Variants in TAFA1 observed in about 807,000 individuals in gnomAD.
The protein encoded by TAFA1 is chemokine-like protein TAFA-1.
In TAFA1, 4 loss-of-function variants were observed where a neutral mutation model predicts 18.5. The observed-to-expected ratio is 0.22, with a 90% CI of 0.11 to 0.49. TAFA1 has a LOEUF of 0.49. Ranked by LOEUF, TAFA1 falls within the 20% of genes least tolerant of loss-of-function variation. The pLI is 0.98. For synonymous variants in TAFA1, 56 were observed against 55.2 expected (o/e 1.01, Z -0.06); for missense variants, 147 against 169.0 (o/e 0.87, Z 0.72).
At chr3:68,138,779 A>C (rs2106897355) in intron 2 of TAFA1, among the ~76,000 whole-genome samples, 1 of 152,346 alleles carries the variant, frequency 6.6e-6, no homozygotes, top group South Asian at 2.1e-4. Flanking sequence ...ATTCAGTAAT[A>C]CTGGAAGTTG....
At chr3:68,494,765 G>T (rs1423059280) in intron 3 of TAFA1, among the ~76,000 whole-genome samples, 1 of 152,170 alleles carries the variant, frequency 6.6e-6, no homozygotes, top group Non-Finnish European at 1.5e-5. Context: ...ACAGCTTAAT[G>T]CAATTCCTAA....
chr3:68,174,958 C>G (rs1303721566), intron 2 of TAFA1, among the ~76,000 whole-genome samples: 1 of 152,158 alleles, frequency 6.6e-6, no homozygotes, highest in East Asian at 1.9e-4. Flanking sequence ...AGCCTAGGGA[C>G]TTGGTGCCCT....
At chr3:68,082,054 C>T (rs1010773467) in intron 2 of TAFA1, among the ~76,000 whole-genome samples, 9 of 152,212 alleles carry the variant, frequency 5.9e-5, no homozygotes, top group Admixed American at 1.3e-4. Flanking sequence ...GCGCAGTACT[C>T]GGGTGGGAGT....
At position 68,479,101 on chromosome 3, in the gene TAFA1, C is replaced by T. The variant is rs555917986; in HGVS notation, c.260-59655C>T. On this transcript the variant is annotated intron_variant, in intron 3 of 4. Coordinates refer to ENST00000478136, the MANE Select transcript of TAFA1 (RefSeq NM_213609.4). ...CAAAAATTAACTGGGCATGGTGACG[C>T]GCGCCTGTAGTCCCAGCCACTTAGG... Among the ~76,000 whole-genome samples the T allele has an allele frequency of 1.2e-3, 181 of 150,050 alleles. 1 individual carries two copies. Among genetic ancestry groups the T allele is most frequent in the African/African-American group, 4.1e-3 (168 of 40,980 alleles).
chr3:68,372,359 CG>C (rs2069724352), intron 2 of TAFA1, among the ~76,000 whole-genome samples: 1 of 152,088 alleles, frequency 6.6e-6, no homozygotes, highest in South Asian at 2.1e-4. Context: ...AAAATGTACA[CG>C]CAAGTAAAGA....
intron 2 of TAFA1, chr3:68,145,146 A>G: frequency 1.2e-6 from 1 of 856,236 alleles, no homozygotes; most frequent in Admixed American, 1.7e-5. Context: ...TTGCTCCGTA[A>G]TGACATGAAT....
intron 2 of TAFA1, among the ~76,000 whole-genome samples, chr3:68,229,154 A>G (rs1444151609): frequency 6.6e-6 from 1 of 152,222 alleles, no homozygotes; most frequent in African/African-American, 2.4e-5. Context: ...CAATAGTCTT[A>G]GCAGCATTTT....
At chr3:68,433,729 A>G (rs1263586027) in intron 3 of TAFA1, among the ~76,000 whole-genome samples, 2 of 152,144 alleles carry the variant, frequency 1.3e-5, no homozygotes, top group African/African-American at 2.4e-5. Flanking sequence ...AAATCTGAAA[A>G]CAGGAATTAC....
intron 2 of TAFA1, among the ~76,000 whole-genome samples, chr3:68,273,704 G>A (rs2067723459): frequency 6.6e-6 from 1 of 152,120 alleles, no homozygotes; most frequent in South Asian, 2.1e-4. Context: ...GAAGCTAGAA[G>A]ATCAGTTAGG....
intron 2 of TAFA1, among the ~76,000 whole-genome samples, chr3:68,343,054 A>G (rs1416518882): frequency 6.6e-6 from 1 of 152,208 alleles, no homozygotes; most frequent in Non-Finnish European, 1.5e-5. Flanking sequence ...GAGGATCTAT[A>G]GATTGATTAC....
At chr3:68,498,831 G>C (rs1291585770) in intron 3 of TAFA1, among the ~76,000 whole-genome samples, 4 of 149,170 alleles carry the variant, frequency 2.7e-5, no homozygotes, top group Admixed American at 2.7e-4. Flanking sequence ...TGTGTATAGA[G>C]GGTTGGCTGC....
chr3:68,429,959 C>T (rs1458258148), intron 3 of TAFA1, among the ~76,000 whole-genome samples: 1 of 151,908 alleles, frequency 6.6e-6, no homozygotes, highest in Non-Finnish European at 1.5e-5. Flanking sequence ...CTCACTCATT[C>T]ATTCATTCAG....
At chr3:68,371,433 G>A (rs746771333) in intron 2 of TAFA1, among the ~76,000 whole-genome samples, 6 of 151,898 alleles carry the variant, frequency 4.0e-5, no homozygotes, top group Non-Finnish European at 8.8e-5. Flanking sequence ...GTGTCCATGT[G>A]TTCTTATTGT....
intron 2 of TAFA1, among the ~76,000 whole-genome samples, chr3:68,181,730 C>G (rs2066203202): frequency 6.6e-6 from 1 of 152,106 alleles, no homozygotes; most frequent in Non-Finnish European, 1.5e-5. Flanking sequence ...ATGGAGATGA[C>G]TGGAAATGGC....
chr3:68,528,473 G>C (rs112657590), intron 3 of TAFA1, among the ~76,000 whole-genome samples: 4,205 of 152,248 alleles, frequency 0.028, 189 homozygotes, highest in African/African-American at 0.096. Flanking sequence ...TAACTGCAGG[G>C]AAGGTTATCC....
At position 68,479,240 on chromosome 3, in the gene TAFA1, A is replaced by AT. The variant is rs1559686408; in HGVS notation, c.260-59516_260-59515insT. Reference sequence around the variant, plus strand: ...GTGAGACTCCATCTCAAAAAAAAAAAAATATATATATATATATATATATGT... The same window carrying AT: ...GTGAGACTCCATCTCAAAAAAAAAAATAATATATATATATATATATATATGT... On this transcript the variant is annotated intron_variant, in intron 3 of 4. Transcript: ENST00000478136. Among the ~76,000 whole-genome samples, 321 of 131,898 alleles carry AT rather than the reference A, an allele frequency of 2.4e-3. 2 individuals carry two copies. Among genetic ancestry groups the AT allele is most frequent in the African/African-American group, 8.6e-3 (263 of 30,502 alleles). 86.5% of individuals were successfully genotyped at this position (131,898 alleles called of 152,430 possible).
upstream of TAFA1, among the ~76,000 whole-genome samples, chr3:68,003,753 C>T (rs935105796): frequency 2.6e-5 from 4 of 152,228 alleles, no homozygotes; most frequent in East Asian, 7.7e-4. Context: ...TCATTTGATG[C>T]TGAAAATAAC....
At chr3:68,109,378 T>G (rs1327915068) in intron 2 of TAFA1, among the ~76,000 whole-genome samples, 1 of 152,176 alleles carries the variant, frequency 6.6e-6, no homozygotes, top group East Asian at 1.9e-4. Context: ...TCTGTTCATA[T>G]TGACTTGATT....
At position 68,482,113 on chromosome 3, in the gene TAFA1, C is replaced by A. The variant is rs147887980; in HGVS notation, c.260-56643C>A. 2.8e-3 allele frequency among the ~76,000 whole-genome samples: 430 copies of A among 152,340 alleles called. 12 individuals are homozygous for A. The East Asian group carries it at 0.058, about 20-fold the overall frequency. On this transcript the variant is annotated intron_variant, in intron 3 of 4. Transcript: ENST00000478136. ...GCAAGCTCTGCCTCCCGGGTTCATGCCAGTGTCCTGCCTCAGCCTCCTGAG... is the reference window on the plus strand; with the variant it reads ...GCAAGCTCTGCCTCCCGGGTTCATGACAGTGTCCTGCCTCAGCCTCCTGAG...
Sources: allele counts gnomAD v4.1 joint callset (sites outside exome capture counted in the v4.1 genomes callset), GRCh38; gene constraint gnomAD v4.1.1; transcripts MANE v1.5; gene names NCBI Gene and HGNC (gene_info 2026-07-23, HGNC 2026-07-21).